Variants in TTC28 observed in about 807,000 individuals in gnomAD.
TTC28 encodes tetratricopeptide repeat protein 28.
In TTC28, 61 loss-of-function variants were observed where a neutral mutation model predicts 198.0. The ratio of observed to expected loss-of-function variants is 0.31; its 90% CI spans 0.25 to 0.38. The LOEUF (loss-of-function observed/expected upper bound fraction) is 0.38. Among genes scored for constraint, TTC28 ranks in the 10% least tolerant of loss-of-function variants. TTC28 has a pLI of 1.00. For synonymous variants in TTC28, 1,171 were observed against 1,297.8 expected (o/e 0.90, Z 2.10); for missense variants, 2,678 against 3,164.0 (o/e 0.85, Z 3.69).
intron 2 of TTC28, among the ~76,000 whole-genome samples, chr22:28,569,355 C>T (rs2050026972): frequency 2.0e-5 from 3 of 151,888 alleles, no homozygotes; most frequent in Admixed American, 6.6e-5. Flanking sequence ...GGTACAAAAA[C>T]AGACACATAT....
chr22:27,996,060 A>T (rs1253502171), intron 17 of TTC28, 75 bp downstream of exon 17: 1 of 1,496,602 alleles, frequency 6.7e-7, no homozygotes, highest in African/African-American at 1.4e-5. Context: ...ATCCCCGTGT[A>T]GGGAAACCCT....
chr22:28,663,472 T>C (rs1348204850), intron 1 of TTC28, among the ~76,000 whole-genome samples: 3 of 143,670 alleles, frequency 2.1e-5, no homozygotes, highest in African/African-American at 5.2e-5. Context: ...GGGCGAGGCA[T>C]TGCCTCACCT....
At chr22:28,403,698 C>G (rs1035076269) in intron 2 of TTC28, among the ~76,000 whole-genome samples, 1 of 152,200 alleles carries the variant, frequency 6.6e-6, no homozygotes, top group African/African-American at 2.4e-5. Context: ...TGATAGTATC[C>G]TGTCTCGCAA....
intron 2 of TTC28, among the ~76,000 whole-genome samples, chr22:28,529,231 G>A (rs1180150219): frequency 9.8e-6 from 1 of 101,734 alleles, no homozygotes; most frequent in Non-Finnish European, 2.0e-5. Flanking sequence ...CTTTTCCAAT[G>A]GTCTTAGCAA....
chr22:28,328,744 ACT>A (rs532437707), intron 2 of TTC28, among the ~76,000 whole-genome samples: 2 of 138,874 alleles, frequency 1.4e-5, no homozygotes, highest in African/African-American at 5.3e-5. Context: ...ACAGATCGAG[ACT>A]CTGTCTCAAA....
At chr22:28,311,403 T>C (rs1652829312) in intron 2 of TTC28, among the ~76,000 whole-genome samples, 1 of 152,206 alleles carries the variant, frequency 6.6e-6, no homozygotes, top group Non-Finnish European at 1.5e-5. Context: ...AAAACTTTAA[T>C]ATCACTGTAT....
intron 2 of TTC28, among the ~76,000 whole-genome samples, chr22:28,574,699 C>G (rs1238587287): frequency 1.3e-5 from 2 of 152,050 alleles, no homozygotes; most frequent in Admixed American, 6.6e-5. Context: ...TATTGATTGT[C>G]TTTTGGATAA....
intron 2 of TTC28, among the ~76,000 whole-genome samples, chr22:28,329,394 G>A (rs2045582215): frequency 6.6e-6 from 1 of 152,076 alleles, no homozygotes; most frequent in Admixed American, 6.6e-5. Flanking sequence ...TCATACTGCT[G>A]ACACATGTTC....
Position 28,030,382 on chromosome 22 carries a change from C to A in TTC28, c.3933-16G>T. 1.3e-6 allele frequency: 2 copies of A among 1,551,224 alleles called. No individual in the cohort carries two copies. The highest frequency in any genetic ancestry group is 1.7e-6 in the Non-Finnish European group (2 of 1,146,824). ...GGCACAGGCCCTGCAGGAAAAATTGCAGAAAAAGCCAATCAGAGAAAGGAA... is the reference window on the plus strand; with the variant it reads ...GGCACAGGCCCTGCAGGAAAAATTGAAGAAAAAGCCAATCAGAGAAAGGAA... On this transcript the variant is annotated splice_polypyrimidine_tract_variant and intron_variant, in intron 12 of 22. Transcript: ENST00000397906.
At chr22:28,216,733 T>A (rs984066956) in intron 5 of TTC28, among the ~76,000 whole-genome samples, 94 of 151,994 alleles carry the variant, frequency 6.2e-4, no homozygotes, top group Non-Finnish European at 1.1e-3. Context: ...TGAAAAAAAA[T>A]TTTTTAGAGA....
chr22:28,629,318 T>C (rs2051131559), intron 2 of TTC28: 1 of 479,444 alleles, frequency 2.1e-6, no homozygotes, highest in Non-Finnish European at 3.6e-6. Context: ...AAAAAAAATT[T>C]AAATCTCACA....
intron 2 of TTC28, among the ~76,000 whole-genome samples, chr22:28,576,525 T>C (rs555281786): frequency 6.6e-6 from 1 of 152,260 alleles, no homozygotes; most frequent in African/African-American, 2.4e-5. Flanking sequence ...TACTCCTTCC[T>C]CCTCTATTTT....
rs1936936909 is a variant in TTC28, at chr22:27,979,137, AC to A, written c.*3083del. On this transcript the variant is annotated 3_prime_UTR_variant, in exon 23 of 23. Coordinates refer to ENST00000397906, the MANE Select transcript of TTC28 (RefSeq NM_001145418.2). Reference sequence around the variant, plus strand: ...GCTTTTCCTAGACTGGAGAAACAAAACGTTATTCCATTTTCTGTCATCCATA... The same window carrying A: ...GCTTTTCCTAGACTGGAGAAACAAAAGTTATTCCATTTTCTGTCATCCATA... 6.6e-6 allele frequency: 1 copy of A among 152,144 alleles called. No homozygotes were observed. The highest frequency in any genetic ancestry group is 2.1e-4 in the South Asian group (1 of 4,834). The allele number at this position is 152,144 out of a possible 1,614,324, so 9.4% of individuals were successfully genotyped here. A position where few individuals can be genotyped will look rare whatever the true frequency, so the allele number is the denominator to read the frequency against.
intron 2 of TTC28, among the ~76,000 whole-genome samples, chr22:28,307,082 A>G (rs1262564600): frequency 1.3e-5 from 2 of 152,150 alleles, no homozygotes; most frequent in Admixed American, 6.5e-5. Context: ...AATAATTACA[A>G]AGGAACAAAT....
In TTC28 at chr22:28,464,581, T is replaced by C. The variant is rs537392639; in HGVS notation, c.382-157938A>G. On this transcript the variant is annotated intron_variant, in intron 2 of 22. Transcript: ENST00000397906. ...TGAAAAAGACTAAATTAAGTGGTGA[T>C]AAAATTCTATCTGTCTTCACTTCCT... 3.3e-5 allele frequency among the ~76,000 whole-genome samples: 5 copies of C among 152,304 alleles called. No individual in the cohort carries two copies. In the South Asian group the frequency reaches 8.3e-4, roughly 25 times the overall value.
intron 5 of TTC28, among the ~76,000 whole-genome samples, chr22:28,264,606 CATGT>C (rs968050519): frequency 6.6e-5 from 10 of 152,092 alleles, no homozygotes; most frequent in African/African-American, 2.4e-4. Context: ...AATATATGCA[CATGT>C]ATGTGTGTGT....
At chr22:28,291,611 T>C (rs999521101) in intron 5 of TTC28, among the ~76,000 whole-genome samples, 1 of 152,216 alleles carries the variant, frequency 6.6e-6, no homozygotes, top group Non-Finnish European at 1.5e-5. Context: ...CTGATAGGCC[T>C]GAAACAGATG....
rs541116634 is a variant in TTC28 at position 27,998,530 on chromosome 22, G to A, written c.5119+10C>T. On this transcript the variant is annotated intron_variant, in intron 16 of 22. Transcript: ENST00000397906. The stretch of plus-strand genomic sequence containing the variant: ...CCTTGACAGGCACCCGCAGCCAGCC[G>A]AACTCCCACCTGCCCAGTTGGAGGG... 25 of 1,544,592 alleles carry A rather than the reference G, an allele frequency of 1.6e-5. No individual in the cohort carries two copies. Among genetic ancestry groups the A allele is most frequent in the South Asian group, 9.6e-5 (8 of 83,354 alleles).
chr22:28,335,299 GC>G (rs1322798463), intron 2 of TTC28, among the ~76,000 whole-genome samples: 1 of 152,160 alleles, frequency 6.6e-6, no homozygotes, highest in Non-Finnish European at 1.5e-5. Context: ...GATGCCTCCA[GC>G]TTTGTTCTTT....
Sources: allele counts gnomAD v4.1 joint callset (sites outside exome capture counted in the v4.1 genomes callset), GRCh38; gene constraint gnomAD v4.1.1; transcripts MANE v1.5; gene names NCBI Gene and HGNC (gene_info 2026-07-23, HGNC 2026-07-21).